The following TLK1 variants were observed in gnomAD, a reference collection of about 807,000 sequenced individuals.
TLK1 encodes serine/threonine-protein kinase tousled-like 1.
In TLK1, 24 loss-of-function variants were observed where a neutral mutation model predicts 105.3. The ratio of observed to expected loss-of-function variants is 0.23; its 90% CI spans 0.17 to 0.32. The LOEUF (loss-of-function observed/expected upper bound fraction) is 0.32. Among genes scored for constraint, TLK1 ranks in the 10% least tolerant of loss-of-function variants. The pLI, the probability that TLK1 is intolerant of heterozygous loss-of-function variation, is 1.00. For synonymous variants in TLK1, 321 were observed against 310.4 expected (o/e 1.03, Z -0.36); for missense variants, 558 against 910.5 (o/e 0.61, Z 4.98).
intron 18 of TLK1, among the ~76,000 whole-genome samples, chr2:171,004,565 C>A (rs1575504366): frequency 6.6e-6 from 1 of 152,270 alleles, no homozygotes; most frequent in East Asian, 1.9e-4. Context: ...AGCTCTTTGT[C>A]CCTCGAACAT....
intron 1 of TLK1, among the ~76,000 whole-genome samples, chr2:171,126,281 TAAA>T (rs912510508): frequency 6.6e-6 from 1 of 152,140 alleles, no homozygotes; most frequent in African/African-American, 2.4e-5. Context: ...TTAGGGAACA[TAAA>T]GAACACAATC....
intron 3 of TLK1, among the ~76,000 whole-genome samples, chr2:171,080,752 G>C (rs1688714788): frequency 6.6e-6 from 1 of 151,356 alleles, no homozygotes; most frequent in African/African-American, 2.4e-5. Flanking sequence ...CTGTTGCCCA[G>C]GCTGGAGTGC....
intron 1 of TLK1, among the ~76,000 whole-genome samples, chr2:171,156,391 G>A (rs1377483240): frequency 6.6e-6 from 1 of 152,140 alleles, no homozygotes; most frequent in Non-Finnish European, 1.5e-5. Flanking sequence ...AAATATATTT[G>A]AAATTGTCAT....
At chr2:171,013,319 T>C (rs999686147) in intron 13 of TLK1, among the ~76,000 whole-genome samples, 3 of 65,074 alleles carry the variant, frequency 4.6e-5, no homozygotes, top group African/African-American at 2.0e-4. Context: ...GGCCCCTCAC[T>C]TTTTTTTTTT....
rs781759289 is a variant in TLK1, at chr2:171,049,872, G to T, written c.922C>A (p.His308Asn). The T allele has an allele frequency of 6.2e-7, 1 of 1,613,800 alleles. No homozygotes were observed. The highest frequency in any genetic ancestry group is 8.5e-7 in the Non-Finnish European group (1 of 1,179,960). The change falls in exon 10 of 21, where the codon CAT becomes AAT. Residue 308 changes from histidine (H) to asparagine (N), a missense_variant. Physicochemically the swap from His to Asn is moderately conservative, Grantham distance 68 (BLOSUM62 1). Around this residue, in one of 5 missense-constraint regions of TLK1, gnomAD observed 196 missense variants for 239.3 expected, o/e 0.82. Transcript: ENST00000431350. ...CATTGTTCAGTAAATGAAGCGCCAT[G>T]TCTAACTGTTGTAAAGTGCCCGAGG... ...LRLGHFTTVR[H>N]GASFTEQWTD... is the part of the protein sequence containing the mutation.
At chr2:171,157,432 A>G (rs1575637351) in intron 1 of TLK1, among the ~76,000 whole-genome samples, 1 of 152,226 alleles carries the variant, frequency 6.6e-6, no homozygotes, top group Non-Finnish European at 1.5e-5. Context: ...GATTCAACAG[A>G]AAATCTAGAG....
chr2:171,114,138 TTCA>T (rs1690304208), intron 2 of TLK1, among the ~76,000 whole-genome samples: 1 of 152,214 alleles, frequency 6.6e-6, no homozygotes, highest in Non-Finnish European at 1.5e-5. Context: ...TAGCAATTAC[TTCA>T]TCATTACTTA....
intron 1 of TLK1, among the ~76,000 whole-genome samples, chr2:171,213,962 CT>C (rs1258486965): frequency 1.3e-5 from 2 of 151,216 alleles, no homozygotes; most frequent in Non-Finnish European, 2.9e-5. Flanking sequence ...CCAGCCATAT[CT>C]TTCTTGAGGA....
intron 2 of TLK1, among the ~76,000 whole-genome samples, chr2:171,106,735 T>A (rs1423952868): frequency 6.6e-6 from 1 of 152,230 alleles, no homozygotes; most frequent in Non-Finnish European, 1.5e-5. Flanking sequence ...TTTGCCTACC[T>A]ATTAATACTG....
chr2:171,176,442 C>A (rs1692829190), intron 1 of TLK1, among the ~76,000 whole-genome samples: 1 of 152,186 alleles, frequency 6.6e-6, no homozygotes, highest in Non-Finnish European at 1.5e-5. Context: ...AAACGGAACT[C>A]TTGATTTTTG....
At chr2:171,149,961 A>G (rs964137936) in intron 1 of TLK1, among the ~76,000 whole-genome samples, 3 of 152,282 alleles carry the variant, frequency 2.0e-5, no homozygotes, top group Non-Finnish European at 4.4e-5. Flanking sequence ...CGAACGAAAG[A>G]CTGTATAATA....
chr2:171,184,971 T>G lies in TLK1; in HGVS notation c.-6+46174A>C, dbSNP rs543512400. 2.0e-5 allele frequency among the ~76,000 whole-genome samples: 3 copies of G among 152,226 alleles called. No individual in the cohort carries two copies. In the South Asian group the frequency reaches 6.2e-4, roughly 32 times the overall value. On this transcript the variant is annotated intron_variant, in intron 1 of 20. Transcript: ENST00000521943. Reference sequence around the variant, plus strand: ...CTCCTGCCTCAGACTCCCAAGAAGCTGGGACTACAGGTGCCCGCCACCATG... The same window carrying G: ...CTCCTGCCTCAGACTCCCAAGAAGCGGGGACTACAGGTGCCCGCCACCATG...
rs530266155 is a variant in TLK1 at position 171,171,144 on chromosome 2, T to C, written c.-5-53287A>G. ...CATGAAATGTGCTAACCATATGGGA[T>C]ATTTTTGATAGGTTAAACAATATTA... On this transcript the variant is annotated intron_variant, in intron 1 of 20. Coordinates refer to the TLK1 transcript ENST00000521943. 1.1e-4 allele frequency among the ~76,000 whole-genome samples: 16 copies of C among 152,358 alleles called. No homozygotes were observed. In the South Asian group the frequency reaches 3.3e-3, roughly 32 times the overall value.
intron 2 of TLK1, among the ~76,000 whole-genome samples, chr2:171,094,580 A>G (rs1490626881): frequency 1.3e-5 from 2 of 152,096 alleles, no homozygotes; most frequent in Non-Finnish European, 2.9e-5. Context: ...AAAGATCGAC[A>G]CTGTAAGGGC....
At chr2:171,231,001 T>C (rs916983885) in intron 1 of TLK1, 22 of 152,200 alleles carry the variant, frequency 1.4e-4, no homozygotes, top group Admixed American at 1.0e-3. Context: ...ATTTAAAATA[T>C]GGAGAGAAAT....
chr2:171,180,203 C>T (rs7423767), intron 1 of TLK1, among the ~76,000 whole-genome samples: 6,817 of 150,836 alleles, frequency 0.045, 439 homozygotes, highest in East Asian at 0.29. Flanking sequence ...AGAGCGAGAG[C>T]GAGAGCGAGA....
At position 171,055,136 on chromosome 2, in the gene TLK1, A is replaced by G; in HGVS notation, c.586T>C (p.Phe196Leu). Residue 196 changes from phenylalanine to leucine, a missense_variant, in exon 7 of 21, where the codon TTT becomes CTT. By Grantham distance (22) the Phe-to-Leu change is conservative. Around this residue, in one of 5 missense-constraint regions of TLK1, gnomAD observed 196 missense variants for 239.3 expected, o/e 0.82. Coordinates refer to ENST00000431350, the MANE Select transcript of TLK1 (RefSeq NM_012290.5). The part of the protein sequence containing the change: ...PNSPSPTALA[F>L]GDHPIVQPKQ... ...GGTTGTACAATAGGGTGGTCCCCAAATGCTAATGCAGTAGGAGAAGGGCTA... is the reference window on the plus strand; with the variant it reads ...GGTTGTACAATAGGGTGGTCCCCAAGTGCTAATGCAGTAGGAGAAGGGCTA... 6.7e-7 allele frequency: 1 copy of G among 1,502,554 alleles called. No homozygotes were observed. Among genetic ancestry groups the G allele is most frequent in the Non-Finnish European group, 8.8e-7 (1 of 1,132,478 alleles). The allele number at this position is 1,502,554 out of a possible 1,614,324, so 93.1% of individuals were successfully genotyped here.
chr2:171,144,767 A>C (rs1691724371), intron 1 of TLK1, among the ~76,000 whole-genome samples: 2 of 152,310 alleles, frequency 1.3e-5, no homozygotes, highest in Non-Finnish European at 2.9e-5. Context: ...CTTCTTAAAT[A>C]CCATAAAGAG....
At chr2:171,098,461 G>T (rs975176107) in intron 2 of TLK1, among the ~76,000 whole-genome samples, 1 of 152,106 alleles carries the variant, frequency 6.6e-6, no homozygotes, top group African/African-American at 2.4e-5. Context: ...AGAAATAGTA[G>T]CAGTATAATT....
Sources: gnomAD v4.1 joint callset for allele counts (sites outside exome capture counted in the v4.1 genomes callset) on GRCh38, gnomAD v4.1.1 for gene constraint, gnomAD v4.1.1 regional missense constraint, MANE v1.5 for transcripts, NCBI Gene and HGNC (gene_info 2026-07-23, HGNC 2026-07-21) for gene names.